The following GLB1L3 variants were observed in gnomAD, a reference collection of about 807,000 sequenced individuals.
GLB1L3 encodes galactosidase beta 1 like 3, also known as beta-galactosidase-1-like protein 3.
In GLB1L3, 89 loss-of-function variants were observed where a neutral mutation model predicts 89.5. That is an observed-to-expected ratio of 0.99 (90% CI 0.84 to 1.19). GLB1L3 has a LOEUF of 1.19. GLB1L3 is among the 50% of genes most tolerant of loss of function. GLB1L3 has a pLI of 0.00. For synonymous variants in GLB1L3, 314 were observed against 312.3 expected, an observed-to-expected ratio of 1.01 and a Z score of -0.06; for missense variants, 812 against 813.3, an observed-to-expected ratio of 1.00 and a Z score of 0.02.
At chr11:134,312,537 C>T (rs1942786564) in intron 14 of GLB1L3, 48 bp downstream of exon 14, 2 of 1,597,522 alleles carry the variant, frequency 1.3e-6, no homozygotes, top group South Asian at 1.1e-5. Flanking sequence ...CATCACCTCC[C>T]CATGCTGTCG....
At chr11:134,304,211 T>TG (rs1389125351) in intron 9 of GLB1L3, among the ~76,000 whole-genome samples, 1 of 152,140 alleles carries the variant, frequency 6.6e-6, no homozygotes, top group Non-Finnish European at 1.5e-5. Flanking sequence ...AGTTTGTACA[T>TG]TTTTGTCTAC....
At chr11:134,325,268 C>T in the GLB1L3 span, among the ~76,000 whole-genome samples, 4 of 152,138 alleles carry the variant, frequency 2.6e-5, no homozygotes, top group Admixed American at 6.5e-5. Context: ...CTGCAGCATC[C>T]GTGGGGGACC....
At chr11:134,308,533 TACCACCACC>T (rs1565414338) in intron 10 of GLB1L3, among the ~76,000 whole-genome samples, 7 of 23,342 alleles carry the variant, frequency 3.0e-4, no homozygotes, top group Non-Finnish European at 5.9e-4. Context: ...CCACCACCAC[TACCACCACC>T]ATCACCATCA....
chr11:134,288,666 G>A (rs1411414258), intron 6 of GLB1L3, 132 bp from the exon 7 acceptor site: 2 of 598,922 alleles, frequency 3.3e-6, no homozygotes, highest in Non-Finnish European at 2.9e-6. Context: ...CTGGAGCAGA[G>A]CGTGCAGACC....
downstream of GLB1L3, among the ~76,000 whole-genome samples, chr11:134,320,923 C>T (rs149745465): frequency 5.1e-4 from 77 of 150,542 alleles, no homozygotes; most frequent in Admixed American, 1.2e-3. Flanking sequence ...ATATTAGAGA[C>T]GTTAACTCAT....
chr11:134,306,053 A>G (rs879825915), intron 9 of GLB1L3, among the ~76,000 whole-genome samples: 1 of 152,162 alleles, frequency 6.6e-6, no homozygotes, highest in Non-Finnish European at 1.5e-5. Flanking sequence ...TGCAAATAAC[A>G]TAAGAATTTC....
chr11:134,323,398 C>CGT (rs1164962842), downstream of GLB1L3, among the ~76,000 whole-genome samples: 7 of 25,920 alleles, frequency 2.7e-4, no homozygotes, highest in Non-Finnish European at 4.7e-4. Flanking sequence ...CACACACGTA[C>CGT]ACACACACAC....
At chr11:134,279,929 C>G (rs1310961185) in intron 3 of GLB1L3, among the ~76,000 whole-genome samples, 1 of 151,872 alleles carries the variant, frequency 6.6e-6, no homozygotes, top group Admixed American at 6.6e-5. Context: ...CTTCTCTGTC[C>G]TTCTCAGTTT....
Position 134,318,888 on chromosome 11 carries a change from TG to T in GLB1L3, c.1909del (p.Glu637ArgfsTer3), listed in dbSNP as rs572697255. ...TCTTTTCTTCTCAGGTCATCTTGTT[TG>T]AGAAGATGATGAGTGGCTCAGATAT... ...HPEDNEVILF[E>X]KMMSGSDIKS... On this transcript the variant is annotated frameshift_variant, in exon 20 of 20. Coordinates refer to ENST00000431683, the MANE Select transcript of GLB1L3 (RefSeq NM_001080407.3). LOFTEE classifies it low-confidence loss of function (END_TRUNC). 1.2e-5 allele frequency: 19 copies of T among 1,612,918 alleles called. 1 individual carries two copies. In the African/African-American group the frequency reaches 2.0e-4, roughly 17 times the overall value.
Position 134,283,572 on chromosome 11 carries a change from C to G in GLB1L3, c.528-165C>G, listed in dbSNP as rs556954327. On this transcript the variant is annotated intron_variant, in intron 5 of 19. Coordinates refer to ENST00000431683, the MANE Select transcript of GLB1L3 (RefSeq NM_001080407.3). ...AATCCCACAAGTCTGTGAGAATGGT[C>G]TGAAAGTCTCACGCGGCACAGATCT... 7.6e-4 allele frequency among the ~76,000 whole-genome samples: 115 copies of G among 152,272 alleles called. 1 individual carries two copies. The highest frequency in any genetic ancestry group is 2.6e-3 in the African/African-American group (109 of 41,558).
At chr11:134,315,184 T>C (rs1942929228) in intron 18 of GLB1L3, among the ~76,000 whole-genome samples, 1 of 152,236 alleles carries the variant, frequency 6.6e-6, no homozygotes, top group African/African-American at 2.4e-5. Context: ...TTCACTGTTG[T>C]ATTGGGTTCA....
intron 18 of GLB1L3, among the ~76,000 whole-genome samples, chr11:134,317,990 G>T (rs1943052252): frequency 1.3e-5 from 2 of 151,996 alleles, no homozygotes; most frequent in African/African-American, 4.8e-5. Flanking sequence ...TTTTGGTTAG[G>T]GTTTACATAT....
In GLB1L3 at chr11:134,288,864, A is replaced by G. The variant is rs1267416260; in HGVS notation, c.703A>G (p.Lys235Glu). 1 of 1,612,946 alleles carries G rather than the reference A, an allele frequency of 6.2e-7. No homozygotes were observed. The highest frequency in any genetic ancestry group is 1.1e-5 in the South Asian group (1 of 90,890). Residue 235 changes from lysine (K) to glutamate (E), a missense_variant, in exon 7 of 20, where the codon AAA (lysine) becomes GAA (glutamate). By Grantham distance (56) the Lys-to-Glu change is moderately conservative (BLOSUM62 1). Transcript: ENST00000431683. ...ENEYGSFNKDKTYMPYLHKAL... is the reference protein window; with the variant it reads ...ENEYGSFNKDETYMPYLHKAL... ...TGAGTATGGCTCATTCAATAAGGAT[A>G]AAACATACATGCCGTATCTCCACAA...
chr11:134,292,732 C>T (rs887420350), intron 8 of GLB1L3: 10 of 301,414 alleles, frequency 3.3e-5, no homozygotes, highest in South Asian at 1.1e-4. Context: ...GTGAGGGACA[C>T]GCCCGGGAGT....
chr11:134,306,728 C>T (rs750398770), intron 9 of GLB1L3, among the ~76,000 whole-genome samples: 2 of 152,262 alleles, frequency 1.3e-5, no homozygotes, highest in Non-Finnish European at 2.9e-5. Context: ...ACTGAAAATG[C>T]TAGGCTACAA....
At chr11:134,292,717 C>T in intron 8 of GLB1L3, 1 of 287,432 alleles carries the variant, frequency 3.5e-6, no homozygotes, top group Non-Finnish European at 6.6e-6. Flanking sequence ...CATCAGATGG[C>T]AATAGTGAGG....
At position 134,277,418 on chromosome 11, in the gene GLB1L3, T is replaced by C. The variant is rs1940436489; in HGVS notation, c.116T>C (p.Phe39Ser). Residue 39 changes from phenylalanine (F) to serine (S), a missense_variant, in exon 2 of 20, where the codon TTC (phenylalanine) becomes TCC (serine). Physicochemically the swap from Phe to Ser is radical, Grantham distance 155. This residue lies in a region of GLB1L3 where 191 missense variants were observed against 191.4 expected (regional missense o/e 1.00). Transcript: ENST00000431683. ...FAPRFKQEEN[F>S]MLGRAHPSQP... ...CCTCGGTTTAAGCAGGAAGAGAACTTCATGCTTGGAAGAGCGCATCCGTCC... is the reference window on the plus strand; with the variant it reads ...CCTCGGTTTAAGCAGGAAGAGAACTCCATGCTTGGAAGAGCGCATCCGTCC... The C allele has an allele frequency of 6.2e-7, 1 of 1,613,782 alleles. No homozygotes were observed. Among genetic ancestry groups the C allele is most frequent in the Non-Finnish European group, 8.5e-7 (1 of 1,179,834 alleles).
rs369011393 is a variant in GLB1L3 at position 134,277,943 on chromosome 11, C to T, written c.362+31C>T. ...TGCCGGCCCCTCACCTCCAGGATCT[C>T]GTTACCCTACAAGTGCATCCTGGCC... On this transcript the variant is annotated intron_variant, in intron 3 of 19. Transcript: ENST00000431683. 2.2e-3 allele frequency: 3,496 copies of T among 1,605,912 alleles called. 7 individuals are homozygous for T. The highest frequency in any genetic ancestry group is 2.3e-3 in the Non-Finnish European group (2,746 of 1,174,988).
the GLB1L3 span, among the ~76,000 whole-genome samples, chr11:134,324,998 G>C: frequency 6.6e-6 from 1 of 151,862 alleles, no homozygotes; most frequent in South Asian, 2.1e-4. Flanking sequence ...TTGGCTTAAA[G>C]AGGATATCAT....
Sources: gnomAD v4.1 joint callset for allele counts (sites outside exome capture counted in the v4.1 genomes callset) on GRCh38, gnomAD v4.1.1 for gene constraint, gnomAD v4.1.1 regional missense constraint, MANE v1.5 for transcripts, NCBI Gene and HGNC (gene_info 2026-07-23, HGNC 2026-07-21) for gene names.